Variants in MKLN1 observed in about 807,000 individuals in gnomAD.
MKLN1 encodes muskelin.
Under a neutral mutation model 99.0 loss-of-function variants are expected in MKLN1, and 18 were observed. That is an observed-to-expected ratio of 0.18 (90% CI 0.13 to 0.27). The LOEUF (loss-of-function observed/expected upper bound fraction) is 0.27. Among genes scored for constraint, MKLN1 ranks in the 10% least tolerant of loss-of-function variants. The pLI is 1.00. For synonymous variants in MKLN1, 288 were observed against 293.2 expected, an observed-to-expected ratio of 0.98 and a Z score of 0.18; for missense variants, 621 against 875.9, an observed-to-expected ratio of 0.71 and a Z score of 3.67.
chr7:131,321,203 GA>G (rs1798767520), intron 3 of MKLN1, among the ~76,000 whole-genome samples: 1 of 151,990 alleles, frequency 6.6e-6, no homozygotes, highest in Non-Finnish European at 1.5e-5. Context: ...TGACAAGCTG[GA>G]AAAAGAAAAT....
intron 12 of MKLN1, among the ~76,000 whole-genome samples, chr7:131,460,790 T>G (rs536831907): frequency 6.6e-6 from 1 of 152,286 alleles, no homozygotes; most frequent in African/African-American, 2.4e-5. Context: ...TGCCAAGCCA[T>G]GTTATAAAAT....
At chr7:131,130,015 T>G (rs1795526366) in intron 1 of MKLN1, among the ~76,000 whole-genome samples, 1 of 152,232 alleles carries the variant, frequency 6.6e-6, no homozygotes, top group Admixed American at 6.5e-5. Context: ...TAAGTTCACT[T>G]CGATAGACAT....
intron 8 of MKLN1, among the ~76,000 whole-genome samples, chr7:131,424,840 A>C (rs1381642143): frequency 6.6e-6 from 1 of 152,118 alleles, no homozygotes; most frequent in Non-Finnish European, 1.5e-5. Context: ...TGTATGCTGC[A>C]AGTTCAGATG....
At chr7:131,484,534 A>T (rs781698749) in intron 17 of MKLN1, among the ~76,000 whole-genome samples, 2 of 152,200 alleles carry the variant, frequency 1.3e-5, no homozygotes, top group Non-Finnish European at 2.9e-5. Context: ...TACCTAAAGT[A>T]CCTACCACAC....
At chr7:131,149,398 T>TTTGATGCCCAG (rs57973806) in intron 2 of MKLN1, among the ~76,000 whole-genome samples, 111,732 of 151,516 alleles carry the variant, frequency 0.74, 42,000 homozygotes, top group African/African-American at 0.79. Context: ...GAATAGTTAA[T>TTTGATGCCCAG]TTGATGCCCA....
chr7:131,233,176 C>CA (rs1797268108), intron 3 of MKLN1, among the ~76,000 whole-genome samples: 1 of 151,634 alleles, frequency 6.6e-6, no homozygotes. Flanking sequence ...TCTGTCTTGG[C>CA]AAAAAACAAA....
At chr7:131,110,152 G>T (rs890385417) in exon 1 of MKLN1, 2 of 195,510 alleles carry the variant, frequency 1.0e-5, no homozygotes, top group East Asian at 1.7e-4. Context: ...CTCCAGAGCC[G>T]CCCGGGAGCA....
intron 1 of MKLN1, among the ~76,000 whole-genome samples, chr7:131,115,769 T>A (rs930977282): frequency 6.6e-6 from 1 of 152,198 alleles, no homozygotes; most frequent in Non-Finnish European, 1.5e-5. Context: ...CCCTATATAC[T>A]TCCTTTTCCT....
At chr7:131,367,235 A>G (rs1273064067) in intron 1 of MKLN1, among the ~76,000 whole-genome samples, 1 of 152,216 alleles carries the variant, frequency 6.6e-6, no homozygotes, top group Non-Finnish European at 1.5e-5. Context: ...GAAAATGTAC[A>G]TTTTAATATT....
chr7:131,478,269 G>A (rs568252286), intron 16 of MKLN1, among the ~76,000 whole-genome samples: 1 of 152,274 alleles, frequency 6.6e-6, no homozygotes, highest in East Asian at 1.9e-4. Context: ...TCAGTAACGG[G>A]ACCCAGGGCA....
rs1235277795 is a variant in MKLN1 at position 131,495,170 on chromosome 7, G to C, written c.*7442G>C. On this transcript the variant is annotated 3_prime_UTR_variant, in exon 18 of 18. Transcript: ENST00000352689. The stretch of plus-strand genomic sequence containing the variant: ...TAAAAGTCAGCTCTTTTATAAATTG[G>C]AAGTACTCAGTAGTCAGAAATTAAG... 6.6e-6 allele frequency: 1 copy of C among 152,144 alleles called. No individual in the cohort carries two copies. The highest frequency in any genetic ancestry group is 1.9e-4 in the East Asian group (1 of 5,192). The allele number at this position is 152,144 out of a possible 1,614,324, so 9.4% of individuals were successfully genotyped here.
chr7:131,182,884 A>G (rs1796395750), intron 2 of MKLN1, among the ~76,000 whole-genome samples: 1 of 152,234 alleles, frequency 6.6e-6, no homozygotes, highest in Non-Finnish European at 1.5e-5. Context: ...CTGAAATGCC[A>G]GTGGGTTACA....
chr7:131,145,898 G>A (rs1795809103), intron 2 of MKLN1, among the ~76,000 whole-genome samples: 1 of 152,234 alleles, frequency 6.6e-6, no homozygotes. Flanking sequence ...CCCATTCACT[G>A]GGTACATTTG....
chr7:131,490,549 CTT>C lies in MKLN1; in HGVS notation c.*2822_*2823del, dbSNP rs1018632036. ...TCTTATTCAAGCAAAGGAATTCAGA[CTT>C]AAATGCCTACCTCTGTGCTGAAGCT... On this transcript the variant is annotated 3_prime_UTR_variant, in exon 18 of 18. Transcript: ENST00000352689. The C allele has an allele frequency of 6.6e-6, 1 of 152,574 alleles. No individual in the cohort carries two copies. The highest frequency in any genetic ancestry group is 2.4e-5 in the African/African-American group (1 of 41,456). 9.5% of individuals were successfully genotyped at this position (152,574 alleles called of 1,614,324 possible). A position where few individuals can be genotyped will look rare whatever the true frequency, so the allele number is the denominator to read the frequency against.
intron 3 of MKLN1, among the ~76,000 whole-genome samples, chr7:131,286,440 G>C (rs1287704501): frequency 6.6e-6 from 1 of 150,716 alleles, no homozygotes; most frequent in East Asian, 1.9e-4. Context: ...ATGTAGCTTT[G>C]TTTTTTTTTC....
chr7:131,234,768 T>C (rs1490310046), intron 3 of MKLN1, among the ~76,000 whole-genome samples: 2 of 152,146 alleles, frequency 1.3e-5, no homozygotes, highest in Non-Finnish European at 2.9e-5. Flanking sequence ...CCAAAATACC[T>C]CTCTCTCCCA....
intron 3 of MKLN1, among the ~76,000 whole-genome samples, chr7:131,238,078 C>T (rs1396448632): frequency 6.6e-6 from 1 of 151,992 alleles, no homozygotes; most frequent in East Asian, 1.9e-4. Context: ...ACCCAGGAGG[C>T]GGAGGTTGCA....
At chr7:131,247,882 GT>G (rs1269643134) in intron 3 of MKLN1, among the ~76,000 whole-genome samples, 1 of 151,576 alleles carries the variant, frequency 6.6e-6, no homozygotes, top group Non-Finnish European at 1.5e-5. Context: ...TTTTTGTTTT[GT>G]TTTGTTTTGT....
At chr7:131,224,720 C>T (rs1379884853) in intron 3 of MKLN1, among the ~76,000 whole-genome samples, 13 of 151,074 alleles carry the variant, frequency 8.6e-5, no homozygotes, top group African/African-American at 3.2e-4. Context: ...GAGACCCTGT[C>T]TCAAAAAAAA....
Sources: gnomAD v4.1 joint callset for allele counts (sites outside exome capture counted in the v4.1 genomes callset) on GRCh38, gnomAD v4.1.1 for gene constraint, MANE v1.5 for transcripts, NCBI Gene and HGNC (gene_info 2026-07-23, HGNC 2026-07-21) for gene names.